Variants in DOCK8 observed in about 807,000 individuals in gnomAD.
DOCK8 encodes dedicator of cytokinesis protein 8.
A neutral mutation model predicts 245.6 loss-of-function variants in DOCK8; 141 were observed. The observed-to-expected ratio is 0.57, with a 90% CI of 0.50 to 0.66. The LOEUF (loss-of-function observed/expected upper bound fraction) is 0.66, where lower values mean the gene tolerates loss of function less well. Among genes scored for constraint, DOCK8 ranks in the 30% least tolerant of loss-of-function variants. The pLI, the probability that DOCK8 is intolerant of heterozygous loss-of-function variation, is 0.00. For missense variants in DOCK8, 2,965 were observed against 2,603.4 expected, an observed-to-expected ratio of 1.14 and a Z score of -3.02; for synonymous variants, 1,168 against 970.2, an observed-to-expected ratio of 1.20 and a Z score of -3.79.
At chr9:297,552 A>G (rs1420250752) in intron 4 of DOCK8, among the ~76,000 whole-genome samples, 6 of 152,158 alleles carry the variant, frequency 3.9e-5, no homozygotes, top group Admixed American at 3.3e-4. Context: ...TCTAGGTGCA[A>G]CAGGAACTTG....
intron 28 of DOCK8, among the ~76,000 whole-genome samples, chr9:412,441 G>T (rs10974292): frequency 0.014 from 2,060 of 146,236 alleles, 45 homozygotes; most frequent in African/African-American, 0.048. Context: ...GAAAAGAAAA[G>T]AAAGCATTTA....
At chr9:297,316 A>T (rs1394825258) in intron 4 of DOCK8, among the ~76,000 whole-genome samples, 1 of 152,166 alleles carries the variant, frequency 6.6e-6, no homozygotes, top group Admixed American at 6.6e-5. Context: ...CAGCGTCTGC[A>T]CCCAGTTCCT....
rs757148521 is a variant in DOCK8 at position 439,254 on chromosome 9, T to C, written c.5089T>C (p.Ser1697Pro). ...CTGTGGTCTCTTTCAGAATATTTCT[T>C]CCAATGTGCTGGAGGAGTCTGTGGT... ...VGSVSFQNIS[S>P]NVLEESVVSE... The change falls in exon 40 of 48, where the codon TCC (serine) becomes CCC (proline). Residue 1697 changes from serine to proline, a missense_variant. Ser to Pro is a moderately conservative substitution (Grantham distance 74, BLOSUM62 -1). Transcript: ENST00000432829. 2 of 1,614,062 alleles carry C rather than the reference T, an allele frequency of 1.2e-6. No individual in the cohort carries two copies. Among genetic ancestry groups the C allele is most frequent in the African/African-American group, 2.7e-5 (2 of 74,926 alleles).
At chr9:244,281 C>G (rs1291960396) in intron 1 of DOCK8, among the ~76,000 whole-genome samples, 1 of 151,614 alleles carries the variant, frequency 6.6e-6, no homozygotes, top group East Asian at 1.9e-4. Flanking sequence ...CCCCACCACA[C>G]ACACACACAC....
At chr9:394,846 A>G (rs554021221) in intron 24 of DOCK8, among the ~76,000 whole-genome samples, 3 of 152,330 alleles carry the variant, frequency 2.0e-5, no homozygotes, top group East Asian at 1.9e-4. Flanking sequence ...GGAGATCTGG[A>G]GGACACAGTA....
upstream of DOCK8, among the ~76,000 whole-genome samples, chr9:212,151 C>T (rs372327071): frequency 2.6e-5 from 4 of 152,036 alleles, no homozygotes; most frequent in African/African-American, 9.7e-5. Flanking sequence ...TTAATGGTTG[C>T]TATGAATTAA....
rs771964991 is a variant in DOCK8 at position 379,835 on chromosome 9, G to C, written c.2505G>C (p.Lys835Asn). 3 of 1,614,096 alleles carry C rather than the reference G, an allele frequency of 1.9e-6. No homozygotes were observed. Among genetic ancestry groups the C allele is most frequent in the Non-Finnish European group, 2.5e-6 (3 of 1,180,048 alleles). ...VAIANSLHNS[K>N]DLSKDQHGRN... ...TCGCCAACAGTCTGCACAACAGCAA[G>C]GACCTGAGCAAGGACCAGCATGGGA... Residue 835 changes from lysine to asparagine, a missense_variant, in exon 21 of 48, where the codon AAG becomes AAC. Lys to Asn is a moderately conservative substitution (Grantham distance 94). Transcript: ENST00000432829.
intron 1 of DOCK8, among the ~76,000 whole-genome samples, chr9:226,894 T>C (rs1345324611): frequency 1.3e-5 from 2 of 152,246 alleles, no homozygotes; most frequent in Non-Finnish European, 2.9e-5. Context: ...GGAAAAAATA[T>C]TGATATGATT....
In DOCK8 at chr9:433,943, A is replaced by G. The variant is rs1564064318; in HGVS notation, c.4854A>G (p.Glu1618=). 1 of 1,613,944 alleles carries G rather than the reference A, an allele frequency of 6.2e-7. No individual in the cohort carries two copies. The highest frequency in any genetic ancestry group is 1.1e-5 in the South Asian group (1 of 91,084). Residue 1618 remains glutamate (E), a synonymous_variant, in exon 38 of 48, where the codon GAA becomes GAG. Coordinates refer to ENST00000432829, the MANE Select transcript of DOCK8 (RefSeq NM_203447.4). The part of the protein sequence containing the change: ...YDTVKMREFQ[E]DPEMLMDLMY... The stretch of plus-strand genomic sequence containing the variant: ...CAGTGAAAATGAGGGAATTTCAGGA[A>G]GATCCTGAGATGCTTATGGATCTCA...
intron 5 of DOCK8, among the ~76,000 whole-genome samples, chr9:308,089 G>A (rs1273993742): frequency 6.6e-6 from 1 of 152,026 alleles, no homozygotes; most frequent in African/African-American, 2.4e-5. Flanking sequence ...GTTGGTTAAC[G>A]GTTACAAAAT....
At chr9:394,701 A>G (rs1487490136) in intron 24 of DOCK8, among the ~76,000 whole-genome samples, 1 of 152,244 alleles carries the variant, frequency 6.6e-6, no homozygotes, top group African/African-American at 2.4e-5. Flanking sequence ...ATGAAGTTCC[A>G]CATTAAGGGG....
chr9:373,852 C>T (rs2053403312), intron 18 of DOCK8, among the ~76,000 whole-genome samples: 1 of 152,186 alleles, frequency 6.6e-6, no homozygotes. Flanking sequence ...TGGACATCAA[C>T]ACCTTTCAGT....
rs1163810462 is a variant in DOCK8, at chr9:410,972, C to G, written c.3531-3810C>G. On this transcript the variant is annotated intron_variant, in intron 28 of 47. Transcript: ENST00000432829. ...AATTGAAAGCCATCAAATTGATAAC[C>G]TAGATTAAATGGATAAATTCCTTAA... 5.3e-5 allele frequency among the ~76,000 whole-genome samples: 8 copies of G among 151,950 alleles called. No individual in the cohort carries two copies. In the South Asian group the frequency reaches 8.3e-4, roughly 16 times the overall value.
chr9:363,908 GCAGGGCTACTACTGTTATGATTTACA>G (rs2131143859), intron 14 of DOCK8, among the ~76,000 whole-genome samples: 2 of 152,236 alleles, frequency 1.3e-5, no homozygotes, highest in Admixed American at 1.3e-4. Flanking sequence ...GAGCAGTCTG[GCAGGGCTACTACTGTTATGATTTACA>G]CAGTCCCTTT....
At chr9:289,482 G>A (rs199767853) in intron 3 of DOCK8, 28 bp from the exon 4 acceptor site, 8 of 1,431,978 alleles carry the variant, frequency 5.6e-6, no homozygotes, top group African/African-American at 2.6e-5. Flanking sequence ...CAGTAATAAC[G>A]TGTTTATTTC....
chr9:311,817 A>G, intron 5 of DOCK8, 137 bp from the exon 6 acceptor site: 1 of 1,036,888 alleles, frequency 9.6e-7, no homozygotes. Context: ...TCAAATCCGC[A>G]GTTTCTTCAG....
chr9:275,897 CTT>C (rs35653155), intron 2 of DOCK8, among the ~76,000 whole-genome samples: 1 of 79,934 alleles, frequency 1.3e-5, no homozygotes, highest in Admixed American at 1.3e-4. Context: ...CCTAGTTTTA[CTT>C]TTTTTTTTTG....
rs568618673 is a variant in DOCK8, at chr9:405,828, A to G, written c.3390+755A>G. 8.0e-4 allele frequency among the ~76,000 whole-genome samples: 122 copies of G among 152,386 alleles called. 1 individual carries two copies. Among genetic ancestry groups the G allele is most frequent in the African/African-American group, 2.7e-3 (111 of 41,594 alleles). ...ATGGCATGATCCAGATATTAGCTAC[A>G]TGACCATCTTACTGTGAACAGGGAA... On this transcript the variant is annotated intron_variant, in intron 27 of 47. Coordinates refer to ENST00000432829, the MANE Select transcript of DOCK8 (RefSeq NM_203447.4).
rs112711572 is a variant in DOCK8 at position 433,808 on chromosome 9, A to G, written c.4786-67A>G. ...TCCCATGGCTTCCCCTTGCATTTCA[A>G]TGTAATCCTAACTCTTCACCTGGGA... On this transcript the variant is annotated intron_variant, in intron 37 of 47. Transcript: ENST00000432829. The G allele has an allele frequency of 4.6e-5, 61 of 1,333,886 alleles. 1 individual carries two copies. The highest frequency in any genetic ancestry group is 3.3e-4 in the African/African-American group (23 of 69,470). The allele number at this position is 1,333,886 out of a possible 1,614,324, so 82.6% of individuals were successfully genotyped here. A position where few individuals can be genotyped will look rare whatever the true frequency, so the allele number is the denominator to read the frequency against.
Sources: gnomAD v4.1 joint callset for allele counts (sites outside exome capture counted in the v4.1 genomes callset) on GRCh38, gnomAD v4.1.1 for gene constraint, MANE v1.5 for transcripts, NCBI Gene and HGNC (gene_info 2026-07-23, HGNC 2026-07-21) for gene names.